Variants in GGA1 observed in about 807,000 individuals in gnomAD.
GGA1 encodes ADP-ribosylation factor-binding protein GGA1.
In GGA1, 18 loss-of-function variants were observed where a neutral mutation model predicts 76.9. The observed-to-expected ratio is 0.23, with a 90% CI of 0.16 to 0.35. The LOEUF is 0.35. Ranked by LOEUF, GGA1 falls within the 10% of genes least tolerant of loss-of-function variation. The pLI, the probability that GGA1 is intolerant of heterozygous loss-of-function variation, is 1.00. For missense variants in GGA1, 755 were observed against 859.0 expected (o/e 0.88, Z 1.51); for synonymous variants, 342 against 354.7 (o/e 0.96, Z 0.40).
rs752914604 is a variant in GGA1 at position 37,632,081 on chromosome 22, C to G, written c.1614C>G (p.Ser538=). ...HFARDPLPGR[S]DVLVVVVSML... ...CCCGGGACCCACTGCCAGGGCGCTC[C>G]GACGTGCTGGTGGTGGTGGTTTCCA... The change falls in exon 15 of 17, where the codon TCC becomes TCG. Residue 538 remains serine (S), a synonymous_variant. Transcript: ENST00000343632. The surrounding 1 kb of genome is among the most constrained non-coding windows in gnomAD (Gnocchi z 5.1). The G allele has an allele frequency of 1.9e-6, 3 of 1,613,760 alleles. No homozygotes were observed. Among genetic ancestry groups the G allele is most frequent in the Non-Finnish European group, 1.7e-6 (2 of 1,179,922 alleles).
In GGA1 at chr22:37,620,294, C is replaced by T. The variant is rs1929645746; in HGVS notation, c.360C>T (p.Tyr120=). The change falls in exon 5 of 17, where the codon TAC becomes TAT. Residue 120 remains tyrosine (Y), a synonymous_variant. Coordinates refer to ENST00000343632, the MANE Select transcript of GGA1 (RefSeq NM_013365.5). The stretch of plus-strand genomic sequence containing the variant: ...AGAACAAGATCTTGGAGCTCCTCTA[C>T]AGCTGGACAGTGGGCCTGCCCGAGG... ...KVKNKILELL[Y]SWTVGLPEEV... 6.2e-7 allele frequency: 1 copy of T among 1,613,842 alleles called. No individual in the cohort carries two copies. Among genetic ancestry groups the T allele is most frequent in the Non-Finnish European group, 8.5e-7 (1 of 1,179,796 alleles).
In GGA1 at chr22:37,630,177, G is replaced by A. The variant is rs1445285524; in HGVS notation, c.1331+7G>A. Reference sequence around the variant, plus strand: ...AATCCCAGCAAGTGCGGTGGTGAGGGCCCACCATGGCTGGCATGGGGTGGG... The same window carrying A: ...AATCCCAGCAAGTGCGGTGGTGAGGACCCACCATGGCTGGCATGGGGTGGG... On this transcript the variant is annotated splice_region_variant and intron_variant, in intron 13 of 16. Transcript: ENST00000343632. 2 of 1,555,196 alleles carry A rather than the reference G, an allele frequency of 1.3e-6. No individual in the cohort carries two copies. The highest frequency in any genetic ancestry group is 2.0e-5 in the Admixed American group (1 of 51,022).
intron 1 of GGA1, among the ~76,000 whole-genome samples, chr22:37,611,242 T>G (rs1927512304): frequency 6.6e-6 from 1 of 152,048 alleles, no homozygotes; most frequent in Non-Finnish European, 1.5e-5. Context: ...TAGAGGGTCT[T>G]GTGGAGCTCC....
Position 37,608,883 on chromosome 22 carries a change from A to C in GGA1, c.23A>C (p.Glu8Ala). Residue 8 changes from glutamate (E) to alanine (A), a missense_variant, in exon 1 of 17, where the codon GAG becomes GCG. Coordinates refer to ENST00000343632, the MANE Select transcript of GGA1 (RefSeq NM_013365.5). MEPAMEP[E>A]TLEARINRAT... ...CGGATGGAGCCCGCGATGGAGCCGG[A>C]GACTCTGGAGGCGCGAATCAGTGAG... 1 of 1,308,186 alleles carries C rather than the reference A, an allele frequency of 7.6e-7. No homozygotes were observed. The highest frequency in any genetic ancestry group is 2.2e-5 in the South Asian group (1 of 44,614). 81.0% of individuals were successfully genotyped at this position (1,308,186 alleles called of 1,614,324 possible).
chr22:37,621,018 A>G, intron 6 of GGA1, 105 bp downstream of exon 6: 3 of 755,370 alleles, frequency 4.0e-6, no homozygotes, highest in South Asian at 2.8e-5. Flanking sequence ...AGAGGCACAC[A>G]CTGAGCCCAG....
intron 1 of GGA1, among the ~76,000 whole-genome samples, chr22:37,612,265 C>T (rs537019571): frequency 4.0e-5 from 6 of 150,974 alleles, no homozygotes; most frequent in Non-Finnish European, 5.9e-5. Context: ...GAGATCAAGA[C>T]CATCCTGGCT....
At chr22:37,616,675 CTCTG>C (rs1928852003) in intron 2 of GGA1, among the ~76,000 whole-genome samples, 1 of 152,232 alleles carries the variant, frequency 6.6e-6, no homozygotes, top group Non-Finnish European at 1.5e-5. Context: ...TGCCTGCAGT[CTCTG>C]TCTGGCCCTG....
intron 13 of GGA1, 88 bp downstream of exon 13, chr22:37,630,258 C>A: frequency 3.1e-6 from 3 of 954,736 alleles, no homozygotes; most frequent in South Asian, 3.3e-5. Context: ...CCAGGCCCAG[C>A]AGGGAGAGGC....
chr22:37,627,919 C>G (rs1232916061), intron 11 of GGA1, among the ~76,000 whole-genome samples: 1 of 152,232 alleles, frequency 6.6e-6, no homozygotes, highest in Non-Finnish European at 1.5e-5. Context: ...TTAACCTCCC[C>G]CGTCTCAAGT....
chr22:37,614,673 T>C (rs1288569473), intron 2 of GGA1, among the ~76,000 whole-genome samples: 3 of 152,212 alleles, frequency 2.0e-5, no homozygotes, highest in Admixed American at 1.3e-4. Flanking sequence ...CAGAACTACC[T>C]GTGTTAGAAT....
At chr22:37,621,394 T>G (rs1314946366) in intron 6 of GGA1, among the ~76,000 whole-genome samples, 2 of 152,226 alleles carry the variant, frequency 1.3e-5, no homozygotes, top group Non-Finnish European at 2.9e-5. Flanking sequence ...ATTTGTTGAT[T>G]ACTTATTTCT....
Position 37,632,802 on chromosome 22 carries a change from C to T in GGA1, c.*91C>T. The T allele has an allele frequency of 1.3e-6, 1 of 766,560 alleles. No individual in the cohort carries two copies. Among genetic ancestry groups the T allele is most frequent in the Non-Finnish European group, 2.3e-6 (1 of 440,926 alleles). The allele number at this position is 766,560 out of a possible 1,614,324, so 47.5% of individuals were successfully genotyped here. Reference sequence around the variant, plus strand: ...TGGTGGCCAAGGACACCCTTTGTTGCCCATGGCCATTCACCCCCAGGCCTG... The same window carrying T: ...TGGTGGCCAAGGACACCCTTTGTTGTCCATGGCCATTCACCCCCAGGCCTG... On this transcript the variant is annotated 3_prime_UTR_variant, in exon 17 of 17. Coordinates refer to ENST00000343632, the MANE Select transcript of GGA1 (RefSeq NM_013365.5). This position sits in a 1 kb window ranked among gnomAD's most constrained non-coding sequence, Gnocchi z 5.1.
intron 7 of GGA1, among the ~76,000 whole-genome samples, chr22:37,622,557 A>G (rs1374885234): frequency 6.6e-6 from 1 of 152,120 alleles, no homozygotes; most frequent in Non-Finnish European, 1.5e-5. Flanking sequence ...AGCTGGGACC[A>G]AAGGCACACG....
chr22:37,625,780 C>A lies in GGA1; in HGVS notation c.941-17C>A. 1 of 1,539,638 alleles carries A rather than the reference C, an allele frequency of 6.5e-7. No individual in the cohort carries two copies. The highest frequency in any genetic ancestry group is 8.8e-7 in the Non-Finnish European group (1 of 1,136,316). ...GTGTACACCCAGGACTTGCCAGCCT[C>A]TTCTTTCCCACCCCAGGGAGCACCT... On this transcript the variant is annotated splice_polypyrimidine_tract_variant and intron_variant, in intron 10 of 16. Coordinates refer to ENST00000343632, the MANE Select transcript of GGA1 (RefSeq NM_013365.5). The surrounding 1 kb of genome is among the most constrained non-coding windows in gnomAD (Gnocchi z 4.1).
At chr22:37,631,839 G>T (rs1170261547) in intron 14 of GGA1, among the ~76,000 whole-genome samples, 157 bp from the exon 15 acceptor site, 1 of 152,188 alleles carries the variant, frequency 6.6e-6, no homozygotes, top group African/African-American at 2.4e-5. Flanking sequence ...GCCCCTGCCT[G>T]CACTGCCACC....
In GGA1 at chr22:37,633,282, C is replaced by G. The variant is rs547064471; in HGVS notation, c.*571C>G. 6.5e-6 allele frequency: 1 copy of G among 152,744 alleles called. No individual in the cohort carries two copies. The allele number at this position is 152,744 out of a possible 1,614,324, so 9.5% of individuals were successfully genotyped here. A position where few individuals can be genotyped will look rare whatever the true frequency, so the allele number is the denominator to read the frequency against. On this transcript the variant is annotated 3_prime_UTR_variant, in exon 17 of 17. Coordinates refer to ENST00000343632, the MANE Select transcript of GGA1 (RefSeq NM_013365.5). Reference sequence around the variant, plus strand: ...GTGGTCACAGCCTCAGGGGGCCAGGCTGGGGGAACCTCACCTGGCCCGTAC... The same window carrying G: ...GTGGTCACAGCCTCAGGGGGCCAGGGTGGGGGAACCTCACCTGGCCCGTAC...
chr22:37,620,401 T>C, intron 5 of GGA1, 40 bp downstream of exon 5: 7 of 1,609,902 alleles, frequency 4.3e-6, no homozygotes, highest in Non-Finnish European at 5.9e-6. Context: ...AGGGCCTGCC[T>C]TCCCCTCCCC....
intron 11 of GGA1, among the ~76,000 whole-genome samples, chr22:37,628,472 T>C (rs1299578927): frequency 6.6e-6 from 1 of 152,238 alleles, no homozygotes; most frequent in Non-Finnish European, 1.5e-5. Context: ...GAGTCCAGAC[T>C]CTGCCACTTT....
Position 37,632,775 on chromosome 22 carries a change from A to C in GGA1, c.*64A>C. ...GTCACTGTCCAGCCTGGAGGGAGGC[A>C]TTGGTGGCCAAGGACACCCTTTGTT... On this transcript the variant is annotated 3_prime_UTR_variant, in exon 17 of 17. Transcript: ENST00000343632. The surrounding 1 kb of genome is among the most constrained non-coding windows in gnomAD (Gnocchi z 5.1). The C allele has an allele frequency of 2.0e-6, 2 of 989,098 alleles. No homozygotes were observed. The highest frequency in any genetic ancestry group is 3.2e-6 in the Non-Finnish European group (2 of 634,790). 61.3% of individuals were successfully genotyped at this position (989,098 alleles called of 1,614,324 possible).
Sources: gnomAD v4.1 joint callset for allele counts (sites outside exome capture counted in the v4.1 genomes callset) on GRCh38, gnomAD v4.1.1 for gene constraint, Gnocchi (gnomAD v3.1) non-coding constraint, MANE v1.5 for transcripts, NCBI Gene and HGNC (gene_info 2026-07-23, HGNC 2026-07-21) for gene names.